The following NEBL variants were observed in gnomAD, a reference collection of about 807,000 sequenced individuals.
NEBL encodes LIM and SH3 protein 2.
A neutral mutation model predicts 140.2 loss-of-function variants in NEBL; 122 were observed. The observed-to-expected ratio is 0.87, with a 90% confidence interval of 0.75 to 1.01. NEBL has a LOEUF of 1.01. NEBL is among the 50% of genes least tolerant of loss of function. NEBL has a pLI of 0.00. For synonymous variants in NEBL, 436 were observed against 398.9 expected (o/e 1.09, Z -1.11); for missense variants, 1,365 against 1,231.3 (o/e 1.11, Z -1.62).
rs573755847 is a variant in NEBL at position 21,060,249 on chromosome 10, T to C, written c.165-40048A>G. ...TACCACTCCCCACAGCACATCTGCC[T>C]GTAATACATGTGGTCACATTCCATC... On this transcript the variant is annotated intron_variant, in intron 2 of 6. Transcript: ENST00000417816. Among the ~76,000 whole-genome samples the C allele has an allele frequency of 8.5e-5, 13 of 152,330 alleles. No homozygotes were observed. The South Asian group carries it at 1.2e-3, about 15-fold the overall frequency.
At chr10:20,831,413 C>T (rs1469452568) in intron 15 of NEBL, 60 bp downstream of exon 15, 4 of 1,509,266 alleles carry the variant, frequency 2.7e-6, no homozygotes, top group Non-Finnish European at 3.7e-6. Context: ...AAAACTTATG[C>T]TCTTTCCAGC....
At position 21,018,871 on chromosome 10, in the gene NEBL, T is replaced by C. The variant is rs189228177; in HGVS notation, c.249+1246A>G. On this transcript the variant is annotated intron_variant, in intron 3 of 6. Coordinates refer to the NEBL transcript ENST00000417816. ...GGTGAAACCCTGTCCCTACTAAAAATACAAAAATTAGCCGGGTGTGGTAGC... is the reference window on the plus strand; with the variant it reads ...GGTGAAACCCTGTCCCTACTAAAAACACAAAAATTAGCCGGGTGTGGTAGC... 3.0e-3 allele frequency among the ~76,000 whole-genome samples: 460 copies of C among 152,096 alleles called. 1 individual carries two copies. Among genetic ancestry groups the C allele is most frequent in the African/African-American group, 0.01 (416 of 41,482 alleles).
chr10:21,188,534 A>G (rs1841515020), intron 3 of NEBL, among the ~76,000 whole-genome samples: 1 of 152,250 alleles, frequency 6.6e-6, no homozygotes, highest in African/African-American at 2.4e-5. Context: ...CCTAAGTATA[A>G]TAGTTGCAAA....
intron 2 of NEBL, among the ~76,000 whole-genome samples, chr10:21,158,306 C>A (rs1589295030): frequency 6.6e-6 from 1 of 152,174 alleles, no homozygotes; most frequent in East Asian, 1.9e-4. Flanking sequence ...CTTTTGCTGA[C>A]AATTTCTCAA....
chr10:20,992,366 C>CATGT (rs1447732505), intron 3 of NEBL, among the ~76,000 whole-genome samples: 4 of 152,206 alleles, frequency 2.6e-5, no homozygotes, highest in Non-Finnish European at 5.9e-5. Flanking sequence ...CAGACACAGG[C>CATGT]ATGTGACCTA....
At chr10:20,873,621 T>C (rs1051387094) in intron 5 of NEBL, among the ~76,000 whole-genome samples, 5 of 152,142 alleles carry the variant, frequency 3.3e-5, no homozygotes, top group Non-Finnish European at 5.9e-5. Flanking sequence ...GGACTTAACA[T>C]TCACTCCCTC....
intron 4 of NEBL, among the ~76,000 whole-genome samples, chr10:20,916,386 A>G (rs1203857993): frequency 1.3e-5 from 2 of 152,178 alleles, no homozygotes; most frequent in Admixed American, 6.5e-5. Flanking sequence ...AGAAGAAGAA[A>G]AAGACTTAAT....
At chr10:21,005,907 A>G (rs1350604944) in intron 3 of NEBL, among the ~76,000 whole-genome samples, 1 of 151,790 alleles carries the variant, frequency 6.6e-6, no homozygotes, top group Non-Finnish European at 1.5e-5. Context: ...AGCCCCAAGA[A>G]CCAATGTTAG....
intron 3 of NEBL, among the ~76,000 whole-genome samples, chr10:21,227,952 A>G (rs1842194270): frequency 6.6e-6 from 1 of 151,932 alleles, no homozygotes; most frequent in African/African-American, 2.4e-5. Context: ...GATTTTTAAA[A>G]TAGATATTTA....
chr10:20,919,051 T>A (rs1833451805), intron 4 of NEBL, among the ~76,000 whole-genome samples: 2 of 152,108 alleles, frequency 1.3e-5, no homozygotes, highest in South Asian at 4.1e-4. Context: ...ATTACTCATT[T>A]CAGAAAGATT....
chr10:21,237,812 G>A (rs966830140), intron 3 of NEBL, among the ~76,000 whole-genome samples: 2 of 152,038 alleles, frequency 1.3e-5, no homozygotes, highest in African/African-American at 4.8e-5. Flanking sequence ...TCACCATGTT[G>A]GCTGGGCTGG....
At chr10:21,092,307 A>G (rs1275786727) in intron 2 of NEBL, among the ~76,000 whole-genome samples, 2 of 152,204 alleles carry the variant, frequency 1.3e-5, no homozygotes, top group South Asian at 2.1e-4. Context: ...TAAAATAAAC[A>G]TATCTAGTAC....
intron 3 of NEBL, among the ~76,000 whole-genome samples, chr10:21,184,915 G>T (rs1841441771): frequency 6.6e-6 from 1 of 152,110 alleles, no homozygotes; most frequent in Non-Finnish European, 1.5e-5. Flanking sequence ...CAGTTCTTTT[G>T]TATTTTCCTG....
At chr10:21,119,038 G>A (rs747836878) in intron 2 of NEBL, among the ~76,000 whole-genome samples, 5 of 152,162 alleles carry the variant, frequency 3.3e-5, no homozygotes, top group South Asian at 2.1e-4. Context: ...CAAAAGAAGA[G>A]AGAGACTAAG....
intron 2 of NEBL, among the ~76,000 whole-genome samples, chr10:21,094,829 A>G (rs1837105769): frequency 6.6e-6 from 1 of 152,194 alleles, no homozygotes; most frequent in Non-Finnish European, 1.5e-5. Context: ...ATTTCACCGA[A>G]CCAGATTCAG....
intron 2 of NEBL, among the ~76,000 whole-genome samples, chr10:21,071,080 G>A (rs1263672010): frequency 6.6e-6 from 1 of 151,872 alleles, no homozygotes; most frequent in African/African-American, 2.4e-5. Context: ...GCTAAGTCAG[G>A]AGGATCACTT....
intron 3 of NEBL, among the ~76,000 whole-genome samples, chr10:20,970,085 G>C (rs1210597060): frequency 6.6e-6 from 1 of 152,134 alleles, no homozygotes; most frequent in East Asian, 1.9e-4. Context: ...ACTTTTGTGA[G>C]AATTAAATGA....
chr10:21,098,570 A>G (rs1354910544), intron 2 of NEBL, among the ~76,000 whole-genome samples: 4 of 152,150 alleles, frequency 2.6e-5, no homozygotes, highest in Non-Finnish European at 5.9e-5. Flanking sequence ...GACCTGGAAT[A>G]ATTTCTTGTT....
intron 3 of NEBL, among the ~76,000 whole-genome samples, chr10:21,211,075 T>A (rs1169226611): frequency 6.6e-6 from 1 of 152,102 alleles, no homozygotes; most frequent in Non-Finnish European, 1.5e-5. Context: ...ACAGATTCAG[T>A]AGGAATAAAG....
Sources: gnomAD v4.1 joint callset for allele counts (sites outside exome capture counted in the v4.1 genomes callset) on GRCh38, gnomAD v4.1.1 for gene constraint, MANE v1.5 for transcripts, NCBI Gene and HGNC (gene_info 2026-07-23, HGNC 2026-07-21) for gene names.